Variants in PHACTR2 observed in about 807,000 individuals in gnomAD.
PHACTR2 encodes the protein chromosome 6 open reading frame 56.
PHACTR2 carries 30 observed loss-of-function variants against 76.0 expected under a neutral mutation model. That is an observed-to-expected ratio of 0.39 (90% CI 0.30 to 0.54). PHACTR2 has a LOEUF of 0.54. Ranked by LOEUF, PHACTR2 falls within the 20% of genes least tolerant of loss-of-function variation. PHACTR2 has a pLI of 0.61. For synonymous variants in PHACTR2, 292 were observed against 292.5 expected (o/e 1.00, Z 0.02); for missense variants, 696 against 781.1 (o/e 0.89, Z 1.30).
At chr6:143,805,479 CAAAAAAAAAA>C (rs746027973) in intron 11 of PHACTR2, among the ~76,000 whole-genome samples, 6,078 of 95,280 alleles carry the variant, frequency 0.064, 462 homozygotes, top group African/African-American at 0.2. Context: ...AACTCCGTCT[CAAAAAAAAAA>C]AAAAAAAAAA....
chr6:143,786,209 C>G (rs1040239620), intron 10 of PHACTR2, among the ~76,000 whole-genome samples: 1 of 152,198 alleles, frequency 6.6e-6, no homozygotes, highest in East Asian at 1.9e-4. Flanking sequence ...GCCAGATACC[C>G]TAAATCATCT....
chr6:143,734,777 C>T (rs952220738), intron 2 of PHACTR2, among the ~76,000 whole-genome samples: 5 of 152,080 alleles, frequency 3.3e-5, no homozygotes, highest in African/African-American at 7.2e-5. Flanking sequence ...AGAGAAGATC[C>T]GATTGTTTAT....
At chr6:143,575,604 G>T (rs9496679) in intron 1 of PHACTR2, among the ~76,000 whole-genome samples, 93,323 of 152,056 alleles carry the variant, frequency 0.61, 28,976 homozygotes, top group Middle Eastern at 0.72. Context: ...ACTTGATGTT[G>T]GTGCTTAATA....
chr6:143,600,329 G>A (rs1775800829), intron 1 of PHACTR2, among the ~76,000 whole-genome samples: 2 of 152,208 alleles, frequency 1.3e-5, no homozygotes, highest in Admixed American at 1.3e-4. Flanking sequence ...TTAAGCAACA[G>A]GCTACCCCTT....
At chr6:143,702,772 A>ATTTTTTT in intron 1 of PHACTR2, among the ~76,000 whole-genome samples, 1 of 93,906 alleles carries the variant, frequency 1.1e-5, no homozygotes, top group Non-Finnish European at 2.2e-5. Flanking sequence ...TATATATACA[A>ATTTTTTT]CTTTTTTTTT....
rs57687039 is a variant in PHACTR2 at position 143,563,832 on chromosome 6, C to CA, written c.217+26638dup. On this transcript the variant is annotated intron_variant, in intron 1 of 11. Coordinates refer to the PHACTR2 transcript ENST00000367584. ...GCAACATGGTGAAACCCTGTCTCTA[C>CA]AAAAAAAAAAAAATACAAAAAATTA... 2.9e-3 allele frequency among the ~76,000 whole-genome samples: 416 copies of CA among 145,252 alleles called. 4 individuals carry two copies. The highest frequency in any genetic ancestry group is 9.4e-3 in the African/African-American group (369 of 39,160).
At chr6:143,651,082 GA>G (rs1306401223) in intron 1 of PHACTR2, among the ~76,000 whole-genome samples, 2 of 151,784 alleles carry the variant, frequency 1.3e-5, no homozygotes, top group African/African-American at 4.8e-5. Context: ...ACAAACATAT[GA>G]AAAAAAAGCT....
intron 1 of PHACTR2, among the ~76,000 whole-genome samples, chr6:143,645,165 G>A (rs979806411): frequency 6.6e-6 from 1 of 152,056 alleles, no homozygotes; most frequent in African/African-American, 2.4e-5. Flanking sequence ...CAGAGGAAAA[G>A]AAGTCGTTAT....
intron 2 of PHACTR2, among the ~76,000 whole-genome samples, chr6:143,718,992 C>T (rs946714291): frequency 6.7e-6 from 1 of 150,276 alleles, no homozygotes; most frequent in African/African-American, 2.4e-5. Flanking sequence ...AAGTGATTCT[C>T]CTGCCTCAGC....
In PHACTR2 at chr6:143,731,974, G is replaced by A. The variant is rs962812379; in HGVS notation, c.215-17011G>A. ...CCCTCTGGTGCTTTGAAATGGAAAAGAAAGTGAAACTTTTCCTCTAGATTT... is the reference window on the plus strand; with the variant it reads ...CCCTCTGGTGCTTTGAAATGGAAAAAAAAGTGAAACTTTTCCTCTAGATTT... On this transcript the variant is annotated intron_variant, in intron 2 of 12. Coordinates refer to ENST00000440869, the MANE Select transcript of PHACTR2 (RefSeq NM_001100164.2). The surrounding 1 kb of genome is among the most constrained non-coding windows in gnomAD (Gnocchi z 4.9). Among the ~76,000 whole-genome samples, 2 of 152,202 alleles carry A rather than the reference G, an allele frequency of 1.3e-5. No homozygotes were observed. The highest frequency in any genetic ancestry group is 2.4e-5 in the African/African-American group (1 of 41,440).
chr6:143,668,411 C>G (rs1777084741), intron 1 of PHACTR2, among the ~76,000 whole-genome samples: 1 of 152,142 alleles, frequency 6.6e-6, no homozygotes. Context: ...GGAGGAGTCC[C>G]TCTTTTTCTA....
rs928591890 is a variant in PHACTR2, at chr6:143,710,879, C to T, written c.47-1137C>T. On this transcript the variant is annotated intron_variant, in intron 1 of 12. Transcript: ENST00000440869. The surrounding 1 kb of genome is among the most constrained non-coding windows in gnomAD (Gnocchi z 4.9). ...TCTACCAGCTGGATTCAACACTTAA[C>T]ATTTTGCTATATTTTACTTTATTGC... Among the ~76,000 whole-genome samples the T allele has an allele frequency of 4.6e-5, 7 of 152,210 alleles. No individual in the cohort carries two copies. Among genetic ancestry groups the T allele is most frequent in the African/African-American group, 1.4e-4 (6 of 41,446 alleles).
intron 9 of PHACTR2, among the ~76,000 whole-genome samples, chr6:143,779,373 G>A (rs1400490027): frequency 2.7e-5 from 4 of 148,414 alleles, no homozygotes; most frequent in African/African-American, 7.5e-5. Flanking sequence ...TTTCTGAGAC[G>A]GAGCCTTGCT....
chr6:143,576,739 G>A (rs1775517595), intron 1 of PHACTR2, among the ~76,000 whole-genome samples: 1 of 151,962 alleles, frequency 6.6e-6, no homozygotes, highest in Admixed American at 6.6e-5. Context: ...AACCGGGTGT[G>A]GTGGCACACA....
chr6:143,564,196 CATATAT>C (rs59017997), intron 1 of PHACTR2, among the ~76,000 whole-genome samples: 87 of 40,296 alleles, frequency 2.2e-3, no homozygotes, highest in South Asian at 0.011. Flanking sequence ...TGTGTGTGTG[CATATAT>C]ATATATATAT....
chr6:143,736,164 T>C (rs1038721620), intron 2 of PHACTR2, among the ~76,000 whole-genome samples: 7 of 152,200 alleles, frequency 4.6e-5, no homozygotes, highest in African/African-American at 1.7e-4. Context: ...AATTTTTTAA[T>C]TTTTTGTCGA....
chr6:143,615,227 CT>C (rs1305352324), intron 1 of PHACTR2, among the ~76,000 whole-genome samples: 1 of 152,120 alleles, frequency 6.6e-6, no homozygotes, highest in African/African-American at 2.4e-5. Context: ...TGAATCTAGC[CT>C]TTTGTAACAA....
chr6:143,628,262 A>G (rs1776294520), intron 1 of PHACTR2, among the ~76,000 whole-genome samples: 1 of 152,226 alleles, frequency 6.6e-6, no homozygotes, highest in South Asian at 2.1e-4. Context: ...GTTTGTGTAC[A>G]TGCATTTGTC....
Position 143,608,322 on chromosome 6 carries a change from G to A in PHACTR2, c.13G>A (p.Val5Ile), listed in dbSNP as rs756979412. ...CCACTCCTGAGACATGGACAACGCCGGTGGGTAAATCAAGCATGAATTCTT... is the reference window on the plus strand; with the variant it reads ...CCACTCCTGAGACATGGACAACGCCAGTGGGTAAATCAAGCATGAATTCTT... The change falls in exon 1 of 12, where the codon GTT becomes ATT. Residue 5 changes from valine to isoleucine, a missense_variant and splice_region_variant. Physicochemically the swap from Val to Ile is conservative, Grantham distance 29. Transcript: ENST00000305766. This position sits in a 1 kb window ranked among gnomAD's most constrained non-coding sequence, Gnocchi z 4.6. 2 of 1,614,104 alleles carry A rather than the reference G, an allele frequency of 1.2e-6. No individual in the cohort carries two copies. The highest frequency in any genetic ancestry group is 1.7e-6 in the Non-Finnish European group (2 of 1,179,956).
Sources: allele counts gnomAD v4.1 joint callset (sites outside exome capture counted in the v4.1 genomes callset), GRCh38; gene constraint gnomAD v4.1.1; non-coding constraint Gnocchi (gnomAD v3.1); transcripts MANE v1.5; gene names NCBI Gene and HGNC (gene_info 2026-07-23, HGNC 2026-07-21).